TYRO3: variants seen among roughly 807,000 people sequenced by gnomAD.
The protein encoded by TYRO3 is TYRO3 protein tyrosine kinase, also known as tyrosine-protein kinase receptor TYRO3.
In TYRO3, 38 loss-of-function variants were observed where a neutral mutation model predicts 95.2. That is an observed-to-expected ratio of 0.40 (90% CI 0.31 to 0.52). The LOEUF is 0.52. TYRO3 is among the 20% of genes least tolerant of loss of function. TYRO3 has a pLI of 0.56. For missense variants in TYRO3, 812 were observed against 1,116.4 expected, an observed-to-expected ratio of 0.73 and a Z score of 3.89; for synonymous variants, 367 against 432.9, an observed-to-expected ratio of 0.85 and a Z score of 1.89.
At chr15:41,574,635 A>G in intron 18 of TYRO3, 1 of 456,082 alleles carries the variant, frequency 2.2e-6, no homozygotes, top group Non-Finnish European at 4.4e-6. Context: ...TATGACAACA[A>G]CTGTGATTTG....
intron 18 of TYRO3, chr15:41,577,272 A>T (rs2055871238): frequency 6.6e-6 from 1 of 152,176 alleles, no homozygotes; most frequent in Non-Finnish European, 1.5e-5. Flanking sequence ...CAACATAGCA[A>T]GACCCTGTCT....
At position 41,578,532 on chromosome 15, in the gene TYRO3, G is replaced by A. The variant is rs1389994822; in HGVS notation, c.*256G>A. ...GGCCAGTCCTGGTTGTCTGAACCCA[G>A]GCAGCTGGCAGGAGTGGGGTGGTTA... On this transcript the variant is annotated 3_prime_UTR_variant, in exon 19 of 19. Transcript: ENST00000263798. The A allele has an allele frequency of 2.2e-5, 12 of 557,358 alleles. No homozygotes were observed. The highest frequency in any genetic ancestry group is 3.5e-5 in the Non-Finnish European group (11 of 316,642). The allele number at this position is 557,358 out of a possible 1,614,324, so 34.5% of individuals were successfully genotyped here. A position where few individuals can be genotyped will look rare whatever the true frequency, so the allele number is the denominator to read the frequency against.
In TYRO3 at chr15:41,578,017, T is replaced by C; in HGVS notation, c.2414T>C (p.Ile805Thr). ...TCTGCCAGCCAGGACCCCTTATACATCAACATCGAGAGAGCTGAGGAGCCC... is the reference window on the plus strand; with the variant it reads ...TCTGCCAGCCAGGACCCCTTATACACCAACATCGAGAGAGCTGAGGAGCCC... ...VLSASQDPLY[I>T]NIERAEEPTA... Residue 805 changes from isoleucine (I) to threonine (T), a missense_variant, in exon 19 of 19, where the codon ATC becomes ACC. Coordinates refer to ENST00000263798, the MANE Select transcript of TYRO3 (RefSeq NM_006293.4). 6.2e-7 allele frequency: 1 copy of C among 1,614,022 alleles called. No homozygotes were observed. Among genetic ancestry groups the C allele is most frequent in the Non-Finnish European group, 8.5e-7 (1 of 1,180,024 alleles).
intron 18 of TYRO3, among the ~76,000 whole-genome samples, chr15:41,576,645 CTTT>C (rs971951671): frequency 9.9e-6 from 1 of 101,090 alleles, no homozygotes; most frequent in Non-Finnish European, 1.9e-5. Context: ...AGTAGGTTTC[CTTT>C]TTTTTTTTTT....
chr15:41,565,169 G>T, intron 6 of TYRO3, 28 bp downstream of exon 6: 1 of 1,430,700 alleles, frequency 7.0e-7, no homozygotes, highest in Non-Finnish European at 9.8e-7. Flanking sequence ...GGCCATGCTC[G>T]TTCTGGCTGC....
In TYRO3 at chr15:41,578,350, G is replaced by T. The variant is rs781322074; in HGVS notation, c.*74G>T. 1.3e-6 allele frequency: 2 copies of T among 1,577,264 alleles called. No individual in the cohort carries two copies. Among genetic ancestry groups the T allele is most frequent in the South Asian group, 2.3e-5 (2 of 85,598 alleles). On this transcript the variant is annotated 3_prime_UTR_variant, in exon 19 of 19. Transcript: ENST00000263798. ...TGAGCTGGCTGACTAAGCCCCGTCT[G>T]ACCCCAGCCCAGACAGCAAGGTGTG...
Position 41,564,342 on chromosome 15 carries a change from A to G in TYRO3, c.667+72A>G, listed in dbSNP as rs2055694770. 1.5e-5 allele frequency: 22 copies of G among 1,473,918 alleles called. No individual in the cohort carries two copies. The South Asian group carries it at 2.1e-4, about 14-fold the overall frequency. The allele number at this position is 1,473,918 out of a possible 1,614,324, so 91.3% of individuals were successfully genotyped here. A position where few individuals can be genotyped will look rare whatever the true frequency, so the allele number is the denominator to read the frequency against. ...CCCAGCGAGCTGTCCAGCAGTTAGA[A>G]TCATTCTGTGTTCCAGCTCCCCTTG... On this transcript the variant is annotated intron_variant, in intron 5 of 18. Transcript: ENST00000263798.
At chr15:41,576,669 T>A (rs8039228) in intron 18 of TYRO3, among the ~76,000 whole-genome samples, 2,551 of 83,680 alleles carry the variant, frequency 0.03, 51 homozygotes, top group South Asian at 0.055. Flanking sequence ...TTTTTTTTTT[T>A]AAAAAAAAAA....
chr15:41,562,393 T>A, intron 3 of TYRO3, 155 bp from the exon 4 acceptor site: 2 of 484,388 alleles, frequency 4.1e-6, no homozygotes, highest in Non-Finnish European at 6.9e-6. Flanking sequence ...ACCGCCTACC[T>A]CTCAAGCTAG....
In TYRO3 at chr15:41,578,310, G is replaced by A. The variant is rs535969188; in HGVS notation, c.*34G>A. On this transcript the variant is annotated 3_prime_UTR_variant, in exon 19 of 19. Transcript: ENST00000263798. ...CAGAGGGCATCGGGGCCATTTGGCC[G>A]GCTCTGGTGGCCACTGAGCTGGCTG... 164 of 1,611,378 alleles carry A rather than the reference G, an allele frequency of 1.0e-4. 1 individual carries two copies. The South Asian group carries it at 1.4e-3, about 14-fold the overall frequency.
chr15:41,568,439 A>G (rs1175920338), intron 8 of TYRO3, 77 bp downstream of exon 8: 7 of 1,457,496 alleles, frequency 4.8e-6, no homozygotes, highest in Non-Finnish European at 6.5e-6. Context: ...AAGAATTTCA[A>G]AATGATTGTC....
At position 41,571,685 on chromosome 15, in the gene TYRO3, T is replaced by C; in HGVS notation, c.1751T>C (p.Val584Ala). 1.2e-6 allele frequency: 2 copies of C among 1,601,570 alleles called. No homozygotes were observed. Among genetic ancestry groups the C allele is most frequent in the Non-Finnish European group, 1.7e-6 (2 of 1,168,984 alleles). Residue 584 changes from valine (V) to alanine (A), a missense_variant and splice_region_variant, in exon 14 of 19, where the codon GTT (valine) becomes GCT (alanine). Coordinates refer to ENST00000263798, the MANE Select transcript of TYRO3 (RefSeq NM_006293.4). The stretch of plus-strand genomic sequence containing the variant: ...GACCATCCACACGTGGCCAAACTTG[T>C]TGGTGAGCCCATTTTTGGGGGAGGC... ...EFDHPHVAKLVGVSLRSRAKG... is the reference protein window; with the variant it reads ...EFDHPHVAKLAGVSLRSRAKG...
intron 4 of TYRO3, 54 bp downstream of exon 4, chr15:41,562,772 G>T (rs1354520326): frequency 2.6e-6 from 4 of 1,542,280 alleles, no homozygotes; most frequent in Non-Finnish European, 2.6e-6. Flanking sequence ...GTCCTGGAGG[G>T]CACTGAAGCT....
At chr15:41,563,450 T>C in intron 4 of TYRO3, among the ~76,000 whole-genome samples, 1 of 152,144 alleles carries the variant, frequency 6.6e-6, no homozygotes, top group East Asian at 1.9e-4. Context: ...GGCGCTGAGC[T>C]AGGTTCTCCA....
chr15:41,573,085 C>T lies in TYRO3; in HGVS notation c.1959C>T (p.His653=). Residue 653 remains histidine, a synonymous_variant, in exon 16 of 19, where the codon CAC becomes CAT. Transcript: ENST00000263798. ...ACCTGAGCTCTCGGAACTTCATCCA[C>T]CGAGACCTGGCTGCTCGGAATTGCA... ...MEYLSSRNFI[H]RDLAARNCML... is the part of the protein sequence containing the mutation. 2 of 1,614,104 alleles carry T rather than the reference C, an allele frequency of 1.2e-6. No homozygotes were observed. The highest frequency in any genetic ancestry group is 1.7e-6 in the Non-Finnish European group (2 of 1,180,042).
At chr15:41,569,326 G>T (rs1216462402) in intron 9 of TYRO3, among the ~76,000 whole-genome samples, 1 of 151,412 alleles carries the variant, frequency 6.6e-6, no homozygotes, top group Non-Finnish European at 1.5e-5. Flanking sequence ...CAATTAGCCT[G>T]GTGTAGTGAC....
chr15:41,568,254 C>G lies in TYRO3; in HGVS notation c.999C>G (p.Arg333=), dbSNP rs778360003. Reference sequence around the variant, plus strand: ...CTCCCCAAAACCTCCATGCCATCCGCACAGATTCAGGCCTCATCTTGGAGT... The same window carrying G: ...CTCCCCAAAACCTCCATGCCATCCGGACAGATTCAGGCCTCATCTTGGAGT... ...ASAPQNLHAI[R]TDSGLILEWE... Residue 333 remains arginine (R), a synonymous_variant, in exon 8 of 19, where the codon CGC becomes CGG. Transcript: ENST00000263798. The G allele has an allele frequency of 6.2e-7, 1 of 1,613,276 alleles. No homozygotes were observed.
Position 41,567,297 on chromosome 15 carries a change from C to A in TYRO3, c.784-63C>A, listed in dbSNP as rs1016749880. 17 of 1,370,578 alleles carry A rather than the reference C, an allele frequency of 1.2e-5. No individual in the cohort carries two copies. The African/African-American group carries it at 2.1e-4, about 17-fold the overall frequency. 84.9% of individuals were successfully genotyped at this position (1,370,578 alleles called of 1,614,324 possible). ...TTCATTCAAGCACCCATAACTATAC[C>A]CATCCCATCTTCCATCTCTCACAGG... On this transcript the variant is annotated intron_variant, in intron 6 of 18. Coordinates refer to ENST00000263798, the MANE Select transcript of TYRO3 (RefSeq NM_006293.4).
At position 41,578,137 on chromosome 15, in the gene TYRO3, G is replaced by C. The variant is rs201567572; in HGVS notation, c.2534G>C (p.Ser845Thr). Residue 845 changes from serine (S) to threonine (T), a missense_variant, in exon 19 of 19, where the codon AGT becomes ACT. By Grantham distance (58) the Ser-to-Thr change is moderately conservative (BLOSUM62 1). Coordinates refer to ENST00000263798, the MANE Select transcript of TYRO3 (RefSeq NM_006293.4). ...ATGGGGGCAGTGGGTGGCACTCCCA[G>C]TGACTGTCGGTACATACTCACCCCC... The part of the protein sequence containing the change: ...SGMGAVGGTP[S>T]DCRYILTPGG... 11 of 1,613,870 alleles carry C rather than the reference G, an allele frequency of 6.8e-6. No homozygotes were observed. In the Middle Eastern group the frequency reaches 5.0e-4, roughly 73 times the overall value.
Sources: allele counts gnomAD v4.1 joint callset (sites outside exome capture counted in the v4.1 genomes callset), GRCh38; gene constraint gnomAD v4.1.1; transcripts MANE v1.5; gene names NCBI Gene and HGNC (gene_info 2026-07-23, HGNC 2026-07-21).